CMTM3: variants seen among roughly 807,000 people sequenced by gnomAD.
CMTM3 encodes CKLF-like MARVEL transmembrane domain-containing protein 3.
Under a neutral mutation model 18.2 loss-of-function variants are expected in CMTM3, and 7 were observed. That is an observed-to-expected ratio of 0.38 (90% confidence interval 0.22 to 0.72). The LOEUF (loss-of-function observed/expected upper bound fraction) is 0.72, where lower values mean the gene tolerates loss of function less well. Among genes scored for constraint, CMTM3 ranks in the 30% least tolerant of loss-of-function variants. CMTM3 has a pLI of 0.46. For synonymous variants in CMTM3, 109 were observed against 111.2 expected (o/e 0.98, Z 0.12); for missense variants, 227 against 249.2 (o/e 0.91, Z 0.60).
rs2015059398 is a variant in CMTM3 at position 66,604,715 on chromosome 16, C to A, written c.-91C>A. ...CCCCTGCGCGAGCCAGTGTCGCCTG[C>A]CCTCCTTCCGCACAGCCCGGGTTTC... On this transcript the variant is annotated 5_prime_UTR_variant, in exon 1 of 5. Transcript: ENST00000567572. 2.0e-6 allele frequency: 2 copies of A among 1,025,138 alleles called. No homozygotes were observed. Among genetic ancestry groups the A allele is most frequent in the Admixed American group, 4.5e-5 (1 of 22,228 alleles). The allele number at this position is 1,025,138 out of a possible 1,614,324, so 63.5% of individuals were successfully genotyped here.
Position 66,612,447 on chromosome 16 carries a change from C to T in CMTM3, c.521-162C>T, listed in dbSNP as rs937353547. On this transcript the variant is annotated intron_variant, in intron 4 of 4. Transcript: ENST00000567572. The surrounding 1 kb of genome is among the most constrained non-coding windows in gnomAD (Gnocchi z 6.0). ...CTGCCTGTGGAGGGCCTCAGGCCCG[C>T]GGCCTGCCCTGATGCCAGCGATCAC... Among the ~76,000 whole-genome samples, 6 of 152,130 alleles carry T rather than the reference C, an allele frequency of 3.9e-5. No homozygotes were observed. The highest frequency in any genetic ancestry group is 3.9e-4 in the East Asian group (2 of 5,180).
chr16:66,610,928 C>T lies in CMTM3; in HGVS notation c.520+925C>T, dbSNP rs2015353335. On this transcript the variant is annotated intron_variant, in intron 4 of 4. Coordinates refer to ENST00000567572, the MANE Select transcript of CMTM3 (RefSeq NM_181553.4). The surrounding 1 kb of genome is among the most constrained non-coding windows in gnomAD (Gnocchi z 4.6). ...AAAATGAATGCCACTCATCCCATCC[C>T]GTCCCTTGGCAAATATTAGGTTAGA... 1.3e-5 allele frequency: 5 copies of T among 398,572 alleles called. No homozygotes were observed. The highest frequency in any genetic ancestry group is 4.4e-5 in the Admixed American group (1 of 22,740). The allele number at this position is 398,572 out of a possible 1,614,324, so 24.7% of individuals were successfully genotyped here. A position where few individuals can be genotyped will look rare whatever the true frequency, so the allele number is the denominator to read the frequency against.
At position 66,605,071 on chromosome 16, in the gene CMTM3, C is replaced by A; in HGVS notation, c.147+119C>A. 1 of 951,154 alleles carries A rather than the reference C, an allele frequency of 1.1e-6. No homozygotes were observed. Among genetic ancestry groups the A allele is most frequent in the Non-Finnish European group, 1.4e-6 (1 of 718,316 alleles). 58.9% of individuals were successfully genotyped at this position (951,154 alleles called of 1,614,324 possible). ...GCCGTGCTCCGATACCCCCTCTCCG[C>A]GCCGCCTCGGCCGACTTCTCTCGGG... On this transcript the variant is annotated intron_variant, in intron 1 of 4. Coordinates refer to ENST00000567572, the MANE Select transcript of CMTM3 (RefSeq NM_181553.4). The surrounding 1 kb of genome is among the most constrained non-coding windows in gnomAD (Gnocchi z 4.6).
Position 66,609,361 on chromosome 16 carries a change from C to A in CMTM3, c.304-74C>A. 7.4e-7 allele frequency: 1 copy of A among 1,346,242 alleles called. No individual in the cohort carries two copies. The highest frequency in any genetic ancestry group is 1.0e-6 in the Non-Finnish European group (1 of 960,998). 83.4% of individuals were successfully genotyped at this position (1,346,242 alleles called of 1,614,324 possible). A position where few individuals can be genotyped will look rare whatever the true frequency, so the allele number is the denominator to read the frequency against. On this transcript the variant is annotated intron_variant, in intron 2 of 4. Coordinates refer to ENST00000567572, the MANE Select transcript of CMTM3 (RefSeq NM_181553.4). This position sits in a 1 kb window ranked among gnomAD's most constrained non-coding sequence, Gnocchi z 4.4. ...GCTAGGCCTGGGGCTGGGAACACGA[C>A]CAGGCTGCCAGGCCTCCTCCCCATG...
In CMTM3 at chr16:66,609,929, T is replaced by C. The variant is rs755700413; in HGVS notation, c.446T>C (p.Leu149Pro). ...ATIVFATDFY[L>P]IFNDVAKFLK... ...ATCGTGTTTGCAACTGATTTCTACC[T>C]GATCTTTAACGACGTGGCCAAATTC... is the stretch of plus-strand genomic sequence containing the variant. Residue 149 changes from leucine to proline, a missense_variant, in exon 4 of 5, where the codon CTG (leucine) becomes CCG (proline). Coordinates refer to ENST00000567572, the MANE Select transcript of CMTM3 (RefSeq NM_181553.4). This position sits in a 1 kb window ranked among gnomAD's most constrained non-coding sequence, Gnocchi z 4.4. 2.5e-6 allele frequency: 4 copies of C among 1,614,050 alleles called. No homozygotes were observed. The highest frequency in any genetic ancestry group is 1.3e-5 in the African/African-American group (1 of 74,932).
At chr16:66,607,481 A>C (rs2015200278) in intron 1 of CMTM3, among the ~76,000 whole-genome samples, 1 of 152,228 alleles carries the variant, frequency 6.6e-6, no homozygotes, top group African/African-American at 2.4e-5. Context: ...TGCTTTATCT[A>C]TCTGTCCATC....
In CMTM3 at chr16:66,608,418, C is replaced by G; in HGVS notation, c.257C>G (p.Ala86Gly). 1 of 1,614,210 alleles carries G rather than the reference C, an allele frequency of 6.2e-7. No individual in the cohort carries two copies. Among genetic ancestry groups the G allele is most frequent in the Non-Finnish European group, 8.5e-7 (1 of 1,180,046 alleles). Residue 86 changes from alanine to glycine, a missense_variant, in exon 2 of 5, where the codon GCC (alanine) becomes GGC (glycine). Coordinates refer to ENST00000567572, the MANE Select transcript of CMTM3 (RefSeq NM_181553.4). The surrounding 1 kb of genome is among the most constrained non-coding windows in gnomAD (Gnocchi z 5.1). ...LLALYFLFAD[A>G]MQLNDKWQGL... Reference sequence around the variant, plus strand: ...GCCTTGTACTTCCTCTTTGCTGATGCCATGCAGCTGAATGACAAGTGGCAG... The same window carrying G: ...GCCTTGTACTTCCTCTTTGCTGATGGCATGCAGCTGAATGACAAGTGGCAG...
In CMTM3 at chr16:66,610,694, T is replaced by C. The variant is rs2015343981; in HGVS notation, c.520+691T>C. On this transcript the variant is annotated intron_variant, in intron 4 of 4. Transcript: ENST00000567572. This position sits in a 1 kb window ranked among gnomAD's most constrained non-coding sequence, Gnocchi z 4.6. ...GCTTCTGCCTGGGGAGATGCTTCTCTGGACCAGGCGGATGTGCCCCTGTGC... is the reference window on the plus strand; with the variant it reads ...GCTTCTGCCTGGGGAGATGCTTCTCCGGACCAGGCGGATGTGCCCCTGTGC... 6.6e-6 allele frequency among the ~76,000 whole-genome samples: 1 copy of C among 152,148 alleles called. No individual in the cohort carries two copies.
Position 66,604,915 on chromosome 16 carries a change from T to C in CMTM3, c.110T>C (p.Leu37Pro). The stretch of plus-strand genomic sequence containing the variant: ...GCCCTGCTGCCGGCGCGGGCTTTCC[T>C]CTGCTCTCTCAAAGGCCGCCTCCTG... Reference protein sequence around the residue: ...LRALLPARAFLCSLKGRLLLA... With the variant: ...LRALLPARAFPCSLKGRLLLA... The change falls in exon 1 of 5, where the codon CTC becomes CCC. Residue 37 changes from leucine (L) to proline (P), a missense_variant. By Grantham distance (98) the Leu-to-Pro change is moderately conservative. Transcript: ENST00000567572. 1 of 1,490,312 alleles carries C rather than the reference T, an allele frequency of 6.7e-7. No individual in the cohort carries two copies. The highest frequency in any genetic ancestry group is 1.3e-5 in the South Asian group (1 of 79,026). 92.3% of individuals were successfully genotyped at this position (1,490,312 alleles called of 1,614,324 possible). A position where few individuals can be genotyped will look rare whatever the true frequency, so the allele number is the denominator to read the frequency against.
rs1438548699 is a variant in CMTM3 at position 66,605,032 on chromosome 16, G to A, written c.147+80G>A. 17 of 1,263,750 alleles carry A rather than the reference G, an allele frequency of 1.3e-5. No individual in the cohort carries two copies. Among genetic ancestry groups the A allele is most frequent in the African/African-American group, 3.2e-5 (2 of 63,176 alleles). 78.3% of individuals were successfully genotyped at this position (1,263,750 alleles called of 1,614,324 possible). ...AGGAGGACGTCGGGGCGCGGGTGGGGTCCGGGGGCGGCCGCCGTGCTCCGA... is the reference window on the plus strand; with the variant it reads ...AGGAGGACGTCGGGGCGCGGGTGGGATCCGGGGGCGGCCGCCGTGCTCCGA... On this transcript the variant is annotated intron_variant, in intron 1 of 4. Transcript: ENST00000567572. This position sits in a 1 kb window ranked among gnomAD's most constrained non-coding sequence, Gnocchi z 4.6.
chr16:66,612,752 G>T lies in CMTM3; in HGVS notation c.*115G>T. The T allele has an allele frequency of 3.0e-6, 3 of 984,878 alleles. No homozygotes were observed. Among genetic ancestry groups the T allele is most frequent in the Non-Finnish European group, 4.7e-6 (3 of 644,648 alleles). 61.0% of individuals were successfully genotyped at this position (984,878 alleles called of 1,614,324 possible). A position where few individuals can be genotyped will look rare whatever the true frequency, so the allele number is the denominator to read the frequency against. ...ACTTCTGAGTTGCAGAGGGGGCTGC[G>T]GACACAGCAGGCCCCCTACAGCCTC... On this transcript the variant is annotated 3_prime_UTR_variant, in exon 5 of 5. Coordinates refer to ENST00000567572, the MANE Select transcript of CMTM3 (RefSeq NM_181553.4). The surrounding 1 kb of genome is among the most constrained non-coding windows in gnomAD (Gnocchi z 6.0).
At position 66,612,613 on chromosome 16, in the gene CMTM3, G is replaced by A; in HGVS notation, c.525G>A (p.Glu175=). 6.2e-7 allele frequency: 1 copy of A among 1,614,066 alleles called. No individual in the cohort carries two copies. Among genetic ancestry groups the A allele is most frequent in the Non-Finnish European group, 8.5e-7 (1 of 1,179,992 alleles). Residue 175 remains glutamate (E), a synonymous_variant, in exon 5 of 5, where the codon GAG becomes GAA. Transcript: ENST00000567572. The surrounding 1 kb of genome is among the most constrained non-coding windows in gnomAD (Gnocchi z 6.0). The part of the protein sequence containing the change: ...DETTAHKTEE[E]NSDSDSD ...TCCTCTCTGCTTTCCTTTCAGAAGA[G>A]AATTCCGACTCGGACTCTGACTGAA...
Position 66,605,620 on chromosome 16 carries a change from AC to A in CMTM3, c.147+670del, listed in dbSNP as rs2015119192. On this transcript the variant is annotated intron_variant, in intron 1 of 4. Transcript: ENST00000567572. The surrounding 1 kb of genome is among the most constrained non-coding windows in gnomAD (Gnocchi z 4.6). ...TGGGGAGGGAGAGGCCGGGCCGGAG[AC>A]CGGGGGAGGCGGGAGGAGAGAGCGG... 1.3e-5 allele frequency: 2 copies of A among 153,756 alleles called. No homozygotes were observed. Among genetic ancestry groups the A allele is most frequent in the African/African-American group, 4.8e-5 (2 of 41,588 alleles). 9.5% of individuals were successfully genotyped at this position (153,756 alleles called of 1,614,324 possible). A position where few individuals can be genotyped will look rare whatever the true frequency, so the allele number is the denominator to read the frequency against.
Position 66,604,918 on chromosome 16 carries a change from G to A in CMTM3, c.113G>A (p.Cys38Tyr). The A allele has an allele frequency of 6.7e-7, 1 of 1,492,504 alleles. No homozygotes were observed. Among genetic ancestry groups the A allele is most frequent in the Non-Finnish European group, 8.8e-7 (1 of 1,130,936 alleles). The allele number at this position is 1,492,504 out of a possible 1,614,324, so 92.5% of individuals were successfully genotyped here. A position where few individuals can be genotyped will look rare whatever the true frequency, so the allele number is the denominator to read the frequency against. The change falls in exon 1 of 5, where the codon TGC (cysteine) becomes TAC (tyrosine). Residue 38 changes from cysteine (C) to tyrosine (Y), a missense_variant. Coordinates refer to ENST00000567572, the MANE Select transcript of CMTM3 (RefSeq NM_181553.4). ...RALLPARAFL[C>Y]SLKGRLLLAE... is the part of the protein sequence containing the mutation. ...CTGCTGCCGGCGCGGGCTTTCCTCT[G>A]CTCTCTCAAAGGCCGCCTCCTGCTG...
chr16:66,605,588 T>C lies in CMTM3; in HGVS notation c.147+636T>C, dbSNP rs113465943. The C allele has an allele frequency of 0.053, 8,159 of 152,690 alleles. 287 individuals carry two copies. Among genetic ancestry groups the C allele is most frequent in the Admixed American group, 0.12 (1,775 of 15,302 alleles). 9.5% of individuals were successfully genotyped at this position (152,690 alleles called of 1,614,324 possible). A position where few individuals can be genotyped will look rare whatever the true frequency, so the allele number is the denominator to read the frequency against. On this transcript the variant is annotated intron_variant, in intron 1 of 4. Coordinates refer to ENST00000567572, the MANE Select transcript of CMTM3 (RefSeq NM_181553.4). This position sits in a 1 kb window ranked among gnomAD's most constrained non-coding sequence, Gnocchi z 4.6. ...GTGGGGTAGGGGTGGCGCTGGGCCG[T>C]TGGGGATGGGGAGGGAGAGGCCGGG...
In CMTM3 at chr16:66,609,216, GCCC is replaced by G. The variant is rs1449868602; in HGVS notation, c.304-217_304-215del. On this transcript the variant is annotated intron_variant, in intron 2 of 4. Transcript: ENST00000567572. This position sits in a 1 kb window ranked among gnomAD's most constrained non-coding sequence, Gnocchi z 4.4. ...TTTTTGCCCAGAGCTTAGGACAGCA[GCCC>G]CGCTGGACCCGGGATAGGGCAGTGT... Among the ~76,000 whole-genome samples, 1 of 152,266 alleles carries G rather than the reference GCCC, an allele frequency of 6.6e-6. No individual in the cohort carries two copies. The highest frequency in any genetic ancestry group is 2.4e-5 in the African/African-American group (1 of 41,470).
At position 66,609,830 on chromosome 16, in the gene CMTM3, C is replaced by CT; in HGVS notation, c.400-52dup. 1 of 1,614,160 alleles carries CT rather than the reference C, an allele frequency of 6.2e-7. No homozygotes were observed. The highest frequency in any genetic ancestry group is 8.5e-7 in the Non-Finnish European group (1 of 1,180,022). ...TGGGCCGTGAGGCTGGGGCAGCAGC[C>CT]TCCCGGAGCAGGGAGTCAGCCCTGT... On this transcript the variant is annotated intron_variant, in intron 3 of 4. Transcript: ENST00000567572. This position sits in a 1 kb window ranked among gnomAD's most constrained non-coding sequence, Gnocchi z 4.4.
upstream of CMTM3, chr16:66,604,031 A>AGT (rs749278211): frequency 0.014 from 2,079 of 147,978 alleles, 27 homozygotes; most frequent in African/African-American, 0.034. Context: ...GTGCGTGTGG[A>AGT]GTGTGTGTGT....
intron 4 of CMTM3, among the ~76,000 whole-genome samples, chr16:66,611,856 G>T (rs1412636730): frequency 6.6e-6 from 1 of 152,062 alleles, no homozygotes; most frequent in Non-Finnish European, 1.5e-5. Flanking sequence ...GAGGGGGATT[G>T]AAGATATAAA....
Sources: gnomAD v4.1 joint callset for allele counts (sites outside exome capture counted in the v4.1 genomes callset) on GRCh38, gnomAD v4.1.1 for gene constraint, Gnocchi (gnomAD v3.1) non-coding constraint, MANE v1.5 for transcripts, NCBI Gene and HGNC (gene_info 2026-07-23, HGNC 2026-07-21) for gene names.